EFHD2: variants seen among roughly 807,000 people sequenced by gnomAD.
EFHD2 encodes EF-hand domain-containing protein D2.
In EFHD2, 12 loss-of-function variants were observed where a neutral mutation model predicts 20.3. That is an observed-to-expected ratio of 0.59 (90% confidence interval 0.38 to 0.96). The LOEUF (loss-of-function observed/expected upper bound fraction) is 0.96. Among genes scored for constraint, EFHD2 ranks in the 40% least tolerant of loss-of-function variants. The probability of loss-of-function intolerance (pLI) is 0.00; values close to 1 mark genes in which losing one functional copy is unlikely to be tolerated. For missense variants in EFHD2, 250 were observed against 334.3 expected (o/e 0.75, Z 1.97); for synonymous variants, 131 against 143.9 (o/e 0.91, Z 0.64).
chr1:15,428,096 G>A (rs536360324), intron 3 of EFHD2: 2 of 427,320 alleles, frequency 4.7e-6, no homozygotes, highest in Non-Finnish European at 9.7e-6. Flanking sequence ...GGCTCAGGAA[G>A]GTGAATGAAG....
chr1:15,426,472 C>G lies in EFHD2; in HGVS notation c.456+454C>G, dbSNP rs72865106. 0.032 allele frequency among the ~76,000 whole-genome samples: 4,850 copies of G among 152,096 alleles called. 250 individuals are homozygous for G. Among genetic ancestry groups the G allele is most frequent in the African/African-American group, 0.11 (4,499 of 41,440 alleles). The stretch of plus-strand genomic sequence containing the variant: ...ACAGGAGCTAGGGGCAAGCCGGTTT[C>G]GCAGGGAAGGAAATGGAGGCCCAAG... On this transcript the variant is annotated intron_variant, in intron 2 of 3. Coordinates refer to ENST00000375980, the MANE Select transcript of EFHD2 (RefSeq NM_024329.6). This position sits in a 1 kb window ranked among gnomAD's most constrained non-coding sequence, Gnocchi z 4.6.
intron 1 of EFHD2, among the ~76,000 whole-genome samples, chr1:15,417,304 A>G (rs1707689971): frequency 6.6e-6 from 1 of 152,224 alleles, no homozygotes; most frequent in South Asian, 2.1e-4. Context: ...GTTACGTTAT[A>G]AACACTGGGT....
In EFHD2 at chr1:15,426,012, C is replaced by T. The variant is rs527912057; in HGVS notation, c.450C>T (p.Phe150=). 7.6e-6 allele frequency: 12 copies of T among 1,581,510 alleles called. No homozygotes were observed. The South Asian group carries it at 1.3e-4, about 17-fold the overall frequency. ...AGGACTTTGACAGCAAGCTGAGCTT[C>T]CGGGAGGTAAGCCCGGCCCCCAGCC... is the stretch of plus-strand genomic sequence containing the variant. ...VDEDFDSKLS[F]REFLLIFRKA... Residue 150 remains phenylalanine, a synonymous_variant, in exon 2 of 4, where the codon TTC becomes TTT. Transcript: ENST00000375980. This position sits in a 1 kb window ranked among gnomAD's most constrained non-coding sequence, Gnocchi z 4.6.
chr1:15,414,965 T>C, intron 1 of EFHD2, among the ~76,000 whole-genome samples: 1 of 152,156 alleles, frequency 6.6e-6, no homozygotes, highest in Non-Finnish European at 1.5e-5. Context: ...TCTCTGAGCC[T>C]CAGTTTCCCC....
intron 1 of EFHD2, among the ~76,000 whole-genome samples, chr1:15,420,259 C>T (rs1412590760): frequency 2.0e-5 from 3 of 152,192 alleles, no homozygotes; most frequent in East Asian, 1.9e-4. Context: ...ACTACTATTA[C>T]GATGATGATG....
rs780655187 is a variant in EFHD2, at chr1:15,428,666, C to T, written c.665C>T (p.Ala222Val). Residue 222 changes from alanine (A) to valine (V), a missense_variant, in exon 4 of 4, where the codon GCG (alanine) becomes GTG (valine). Around this residue, in one of 3 missense-constraint regions of EFHD2, gnomAD observed 100 missense variants for 116.2 expected, o/e 0.86. Coordinates refer to ENST00000375980, the MANE Select transcript of EFHD2 (RefSeq NM_024329.6). ...GAGCAGGAGGAAAGGAAGAAGCAGGCGGAGGAGATGAAGCAGCGGAAAGCG... is the reference window on the plus strand; with the variant it reads ...GAGCAGGAGGAAAGGAAGAAGCAGGTGGAGGAGATGAAGCAGCGGAAAGCG... ...KAEQEERKKQAEEMKQRKAAF... is the reference protein window; with the variant it reads ...KAEQEERKKQVEEMKQRKAAF... 7.5e-6 allele frequency: 12 copies of T among 1,608,012 alleles called. No homozygotes were observed. Among genetic ancestry groups the T allele is most frequent in the East Asian group, 2.2e-5 (1 of 44,726 alleles).
chr1:15,411,360 G>A (rs1224217734), intron 1 of EFHD2, among the ~76,000 whole-genome samples: 13 of 151,990 alleles, frequency 8.6e-5, no homozygotes, highest in African/African-American at 2.7e-4. Context: ...ACCCCCAGGC[G>A]TGTGGGCTCA....
intron 3 of EFHD2, chr1:15,428,155 GGGCAGGACTCAGCAGA>G: frequency 2.7e-6 from 1 of 369,286 alleles, no homozygotes; most frequent in South Asian, 2.0e-5. Context: ...TTGTGTTGCT[GGGCAGGACTCAGCAGA>G]AGCCTGAGCC....
chr1:15,425,839 T>C, intron 1 of EFHD2, 32 bp from the exon 2 acceptor site: 1 of 1,598,880 alleles, frequency 6.3e-7, no homozygotes, highest in Non-Finnish European at 8.5e-7. Flanking sequence ...ACTGAGCCAG[T>C]GCCAAGATGT....
intron 1 of EFHD2, among the ~76,000 whole-genome samples, chr1:15,419,199 C>A (rs375482945): frequency 3.3e-5 from 5 of 152,184 alleles, no homozygotes; most frequent in Non-Finnish European, 7.3e-5. Flanking sequence ...GGGAAAGGGT[C>A]GTCCTTGGGG....
At chr1:15,410,679 C>T (rs1356616640) in intron 1 of EFHD2, among the ~76,000 whole-genome samples, 2 of 151,964 alleles carry the variant, frequency 1.3e-5, no homozygotes, top group Non-Finnish European at 2.9e-5. Flanking sequence ...CCACACCGCA[C>T]ACACCGAGGC....
At chr1:15,418,474 T>G (rs1448745564) in intron 1 of EFHD2, among the ~76,000 whole-genome samples, 1 of 150,878 alleles carries the variant, frequency 6.6e-6, no homozygotes, top group Non-Finnish European at 1.5e-5. Flanking sequence ...CCCGGCTAAT[T>G]TTTTGTATTT....
chr1:15,415,146 C>T (rs541073127), intron 1 of EFHD2, among the ~76,000 whole-genome samples: 30 of 152,250 alleles, frequency 2.0e-4, no homozygotes, highest in African/African-American at 5.5e-4. Context: ...TAAGTTTTTG[C>T]GCTACAAGAT....
chr1:15,425,514 G>A (rs1478004185), intron 1 of EFHD2, among the ~76,000 whole-genome samples: 3 of 150,656 alleles, frequency 2.0e-5, no homozygotes, highest in Non-Finnish European at 4.4e-5. Context: ...AACGGAGCGA[G>A]ACTCCATCTC....
At chr1:15,427,931 G>A (rs775982144) in intron 3 of EFHD2, 2 of 470,132 alleles carry the variant, frequency 4.3e-6, no homozygotes, top group Non-Finnish European at 8.8e-6. Flanking sequence ...TCCCCGGACA[G>A]GAAGCAGAGG....
Position 15,430,059 on chromosome 1 carries a change from T to G in EFHD2, c.*1335T>G, listed in dbSNP as rs942590535. ...TAAAATGCCCAGGAGTCCTGGAAGC[T>G]ACGCGGACTTGCAGAGGTTTTATTT... On this transcript the variant is annotated 3_prime_UTR_variant, in exon 4 of 4. Transcript: ENST00000375980. The G allele has an allele frequency of 2.6e-5, 4 of 152,712 alleles. No individual in the cohort carries two copies. The highest frequency in any genetic ancestry group is 9.6e-5 in the African/African-American group (4 of 41,480). 9.5% of individuals were successfully genotyped at this position (152,712 alleles called of 1,614,324 possible).
chr1:15,425,558 G>A (rs962034109), intron 1 of EFHD2, among the ~76,000 whole-genome samples: 1 of 151,868 alleles, frequency 6.6e-6, no homozygotes, highest in Admixed American at 6.6e-5. Context: ...CCTTCTCACT[G>A]TCTGTGCCAT....
Position 15,426,141 on chromosome 1 carries a change from G to GC in EFHD2, c.456+123_456+124insC. The GC allele has an allele frequency of 2.0e-5, 22 of 1,078,800 alleles. No homozygotes were observed. The highest frequency in any genetic ancestry group is 2.4e-5 in the Non-Finnish European group (19 of 793,466). The allele number at this position is 1,078,800 out of a possible 1,614,324, so 66.8% of individuals were successfully genotyped here. A position where few individuals can be genotyped will look rare whatever the true frequency, so the allele number is the denominator to read the frequency against. On this transcript the variant is annotated intron_variant, in intron 2 of 3. Transcript: ENST00000375980. This position sits in a 1 kb window ranked among gnomAD's most constrained non-coding sequence, Gnocchi z 4.6. ...ATGACATTGCCATTGAACAGCAGCTGTGAGCAGCTGCTGCTTGGCTGAGTG... is the reference window on the plus strand; with the variant it reads ...ATGACATTGCCATTGAACAGCAGCTGCTGAGCAGCTGCTGCTTGGCTGAGTG...
In EFHD2 at chr1:15,410,048, A is replaced by G. The variant is rs1283315951; in HGVS notation, c.77A>G (p.Glu26Gly). 2.6e-5 allele frequency: 34 copies of G among 1,310,060 alleles called. No homozygotes were observed. Among genetic ancestry groups the G allele is most frequent in the Middle Eastern group, 5.5e-4 (2 of 3,668 alleles). 81.2% of individuals were successfully genotyped at this position (1,310,060 alleles called of 1,614,324 possible). Residue 26 changes from glutamate (E) to glycine (G), a missense_variant, in exon 1 of 4, where the codon GAG (glutamate) becomes GGG (glycine). Physicochemically the swap from Glu to Gly is moderately conservative, Grantham distance 98. This residue lies in a region of EFHD2 where 143 missense variants were observed against 190.6 expected (regional missense o/e 0.75). Coordinates refer to ENST00000375980, the MANE Select transcript of EFHD2 (RefSeq NM_024329.6). The stretch of plus-strand genomic sequence containing the variant: ...GGCGAGGGCGGCGGCGAGACCCCGG[A>G]GCAGCCCGGGCTGAACGGGGCAGCG... The part of the protein sequence containing the change: ...MEGEGGGETP[E>G]QPGLNGAAAA...
Sources: gnomAD v4.1 joint callset for allele counts (sites outside exome capture counted in the v4.1 genomes callset) on GRCh38, gnomAD v4.1.1 for gene constraint, gnomAD v4.1.1 regional missense constraint, Gnocchi (gnomAD v3.1) non-coding constraint, MANE v1.5 for transcripts, NCBI Gene and HGNC (gene_info 2026-07-23, HGNC 2026-07-21) for gene names.